FNIP1: variants seen among roughly 807,000 people sequenced by gnomAD.
The protein encoded by FNIP1 is folliculin-interacting protein 1.
In FNIP1, 40 loss-of-function variants were observed where a neutral mutation model predicts 124.5. That is an observed-to-expected ratio of 0.32 (90% CI 0.25 to 0.42). The LOEUF (loss-of-function observed/expected upper bound fraction) is 0.42, where lower values mean the gene tolerates loss of function less well. Among genes scored for constraint, FNIP1 ranks in the 10% least tolerant of loss-of-function variants. The pLI is 1.00. For synonymous variants in FNIP1, 472 were observed against 470.6 expected, an observed-to-expected ratio of 1.00 and a Z score of -0.04; for missense variants, 1,176 against 1,403.7, an observed-to-expected ratio of 0.84 and a Z score of 2.59.
chr5:131,669,681 C>T (rs897911238), intron 15 of FNIP1, among the ~76,000 whole-genome samples: 6 of 151,858 alleles, frequency 4.0e-5, no homozygotes, highest in African/African-American at 1.5e-4. Context: ...CGTCTCAAAA[C>T]TAGGAATAAA....
chr5:131,749,951 C>T (rs1770813995), intron 1 of FNIP1, among the ~76,000 whole-genome samples: 1 of 152,160 alleles, frequency 6.6e-6, no homozygotes, highest in Admixed American at 6.5e-5. Flanking sequence ...TTCCTCAGAA[C>T]AGAGCCCCAT....
At position 131,672,417 on chromosome 5, in the gene FNIP1, G is replaced by T. The variant is rs1466036134; in HGVS notation, c.2027C>A (p.Ala676Asp). The T allele has an allele frequency of 3.1e-6, 5 of 1,613,750 alleles. No individual in the cohort carries two copies. Among genetic ancestry groups the T allele is most frequent in the Non-Finnish European group, 3.4e-6 (4 of 1,180,026 alleles). The stretch of plus-strand genomic sequence containing the variant: ...TGTGCAAACAACTGTCTCTAACTTG[G>T]CGTCAAAGCAAGTTCTTAATTTATC... The part of the protein sequence containing the change: ...YRDKLRTCFD[A>D]KLETVVCTGS... The change falls in exon 14 of 18, where the codon GCC becomes GAC. Residue 676 changes from alanine to aspartate, a missense_variant. Physicochemically the swap from Ala to Asp is moderately radical, Grantham distance 126 (BLOSUM62 -2). Coordinates refer to ENST00000510461, the MANE Select transcript of FNIP1 (RefSeq NM_133372.3).
chr5:131,667,410 G>T (rs564626015), intron 15 of FNIP1, among the ~76,000 whole-genome samples: 26 of 152,102 alleles, frequency 1.7e-4, no homozygotes, highest in African/African-American at 6.3e-4. Flanking sequence ...ATCTATATTT[G>T]CCATAATTTC....
intron 2 of FNIP1, among the ~76,000 whole-genome samples, chr5:131,737,068 T>C (rs191107659): frequency 7.1e-4 from 108 of 152,350 alleles, no homozygotes; most frequent in Middle Eastern, 3.4e-3. Flanking sequence ...AGGTATTTGT[T>C]TTTGTGGGCT....
chr5:131,781,459 TA>T, intron 1 of FNIP1, among the ~76,000 whole-genome samples: 1 of 152,206 alleles, frequency 6.6e-6, no homozygotes, highest in Non-Finnish European at 1.5e-5. Context: ...ACTCTCCTGT[TA>T]GGGGCTAATG....
In FNIP1 at chr5:131,672,600, T is replaced by G; in HGVS notation, c.1844A>C (p.His615Pro). The G allele has an allele frequency of 6.2e-7, 1 of 1,614,224 alleles. No individual in the cohort carries two copies. The highest frequency in any genetic ancestry group is 8.5e-7 in the Non-Finnish European group (1 of 1,180,036). Reference protein sequence around the residue: ...TPNCNCKYCSHPLLGQNVENI... With the variant: ...TPNCNCKYCSPPLLGQNVENI... ...CTCTACATTTTGCCCAAGGAGTGGA[T>G]GACTGCAATATTTACAGTTACAATT... Residue 615 changes from histidine (H) to proline (P), a missense_variant, in exon 14 of 18, where the codon CAT (histidine) becomes CCT (proline). Around this residue, in one of 2 missense-constraint regions of FNIP1, gnomAD observed 1,109 missense variants for 1,288.5 expected, o/e 0.86. Coordinates refer to ENST00000510461, the MANE Select transcript of FNIP1 (RefSeq NM_133372.3).
chr5:131,730,856 A>C, intron 3 of FNIP1, 48 bp downstream of exon 3: 1 of 1,507,836 alleles, frequency 6.6e-7, no homozygotes, highest in Non-Finnish European at 9.0e-7. Context: ...ATGATGTTCA[A>C]AACTAATTAT....
chr5:131,787,010 T>C (rs911660733), intron 1 of FNIP1, among the ~76,000 whole-genome samples: 12 of 152,276 alleles, frequency 7.9e-5, no homozygotes, highest in African/African-American at 2.9e-4. Context: ...GTATAATAAA[T>C]ACTGGGACTA....
intron 1 of FNIP1, among the ~76,000 whole-genome samples, chr5:131,794,309 TAAC>T (rs1318855102): frequency 2.7e-5 from 3 of 110,246 alleles, no homozygotes; most frequent in African/African-American, 1.0e-4. Flanking sequence ...AGAACAAAAA[TAAC>T]AATATCAATA....
At chr5:131,785,166 C>CA (rs1772159159) in intron 1 of FNIP1, among the ~76,000 whole-genome samples, 1 of 83,948 alleles carries the variant, frequency 1.2e-5, no homozygotes, top group Non-Finnish European at 2.6e-5. Flanking sequence ...ATATATATGA[C>CA]TATATATATA....
At chr5:131,699,482 C>T (rs1768818959) in intron 10 of FNIP1, among the ~76,000 whole-genome samples, 1 of 151,442 alleles carries the variant, frequency 6.6e-6, no homozygotes, top group Non-Finnish European at 1.5e-5. Flanking sequence ...CAACCTCTGC[C>T]ACCCGGGTTC....
chr5:131,744,830 A>T, intron 1 of FNIP1, 140 bp from the exon 2 acceptor site: 7 of 529,516 alleles, frequency 1.3e-5, no homozygotes, highest in Non-Finnish European at 1.9e-5. Context: ...TTTATATTAA[A>T]TATCACCAGT....
chr5:131,660,802 C>A (rs1292586058), intron 15 of FNIP1, among the ~76,000 whole-genome samples: 3 of 152,180 alleles, frequency 2.0e-5, no homozygotes, highest in African/African-American at 7.2e-5. Context: ...TGTGGTAGTC[C>A]CCCACCGGCA....
At chr5:131,771,721 T>C (rs1771640664) in intron 1 of FNIP1, among the ~76,000 whole-genome samples, 1 of 152,178 alleles carries the variant, frequency 6.6e-6, no homozygotes, top group Non-Finnish European at 1.5e-5. Flanking sequence ...TCCCTTCTAG[T>C]CTCCTGTTAA....
intron 1 of FNIP1, among the ~76,000 whole-genome samples, chr5:131,767,846 T>C (rs766226238): frequency 1.3e-5 from 2 of 152,200 alleles, no homozygotes; most frequent in Non-Finnish European, 2.9e-5. Flanking sequence ...TATCACAAAA[T>C]CTTGATTAAT....
chr5:131,794,314 A>G (rs1772506856), intron 1 of FNIP1, among the ~76,000 whole-genome samples: 1 of 151,708 alleles, frequency 6.6e-6, no homozygotes, highest in Admixed American at 6.6e-5. Context: ...AAAAATAACA[A>G]TATCAATATT....
chr5:131,748,060 T>C (rs1770742236), intron 1 of FNIP1, among the ~76,000 whole-genome samples: 1 of 152,004 alleles, frequency 6.6e-6, no homozygotes. Context: ...AGAGATCCAT[T>C]TTCTTTGTCA....
chr5:131,709,833 T>C (rs1488621188), intron 7 of FNIP1, among the ~76,000 whole-genome samples: 3 of 152,180 alleles, frequency 2.0e-5, no homozygotes, highest in Admixed American at 2.0e-4. Flanking sequence ...ATATTTTTTA[T>C]ATCTAATATT....
chr5:131,778,133 A>G (rs1771872729), intron 1 of FNIP1, among the ~76,000 whole-genome samples: 1 of 152,066 alleles, frequency 6.6e-6, no homozygotes, highest in South Asian at 2.1e-4. Flanking sequence ...CCCAGGCTGC[A>G]GGACTGCTTG....
Sources: gnomAD v4.1 joint callset for allele counts (sites outside exome capture counted in the v4.1 genomes callset) on GRCh38, gnomAD v4.1.1 for gene constraint, gnomAD v4.1.1 regional missense constraint, MANE v1.5 for transcripts, NCBI Gene and HGNC (gene_info 2026-07-23, HGNC 2026-07-21) for gene names.